CAST: variants seen among roughly 807,000 people sequenced by gnomAD.
CAST encodes calpastatin.
In CAST, 76 loss-of-function variants were observed where a neutral mutation model predicts 119.6. That is an observed-to-expected ratio of 0.64 (90% CI 0.53 to 0.77). CAST has a LOEUF of 0.77. Among genes scored for constraint, CAST ranks in the 30% least tolerant of loss-of-function variants. CAST has a pLI of 0.00. For missense variants in CAST, 953 were observed against 946.5 expected (o/e 1.01, Z -0.09); for synonymous variants, 319 against 331.6 (o/e 0.96, Z 0.41).
intron 1 of CAST, among the ~76,000 whole-genome samples, chr5:96,574,872 A>G (rs1020253544): frequency 2.6e-5 from 4 of 152,130 alleles, no homozygotes; most frequent in Admixed American, 2.6e-4. Context: ...TGGGTTCTCT[A>G]TTATGCTTCA....
the CAST span, among the ~76,000 whole-genome samples, chr5:96,379,923 G>T: frequency 4.6e-5 from 7 of 152,158 alleles, no homozygotes; most frequent in East Asian, 3.9e-4. Context: ...GGATAGAGGG[G>T]GTATACAGCA....
chr5:96,529,295 A>G (rs553688591), upstream of CAST, among the ~76,000 whole-genome samples: 1 of 152,184 alleles, frequency 6.6e-6, no homozygotes, highest in Non-Finnish European at 1.5e-5. Flanking sequence ...GTCATTCAGG[A>G]AGTGATAAAT....
At chr5:96,226,891 A>T in the CAST span, among the ~76,000 whole-genome samples, 1 of 152,210 alleles carries the variant, frequency 6.6e-6, no homozygotes, top group Non-Finnish European at 1.5e-5. Context: ...CCCATAGAAT[A>T]TCTTGGTAAA....
the CAST span, among the ~76,000 whole-genome samples, chr5:96,477,065 A>AAAAC: frequency 2.2e-5 from 3 of 136,618 alleles, no homozygotes; most frequent in Admixed American, 2.2e-4. Flanking sequence ...AATGTGCCAA[A>AAAAC]ACACACACAC....
At chr5:96,042,680 T>G in the CAST span, among the ~76,000 whole-genome samples, 2,347 of 152,298 alleles carry the variant, frequency 0.015, 75 homozygotes, top group African/African-American at 0.052. Context: ...TATGACAAAG[T>G]GGCTAAGAGT....
chr5:95,964,101 T>C, the CAST span, among the ~76,000 whole-genome samples: 11 of 152,206 alleles, frequency 7.2e-5, no homozygotes, highest in African/African-American at 2.7e-4. Flanking sequence ...AGTGAGTTAA[T>C]GGTTGTTTGT....
intron 1 of CAST, among the ~76,000 whole-genome samples, chr5:96,553,221 G>A (rs1746170532): frequency 6.6e-6 from 1 of 152,174 alleles, no homozygotes; most frequent in Admixed American, 6.5e-5. Flanking sequence ...CCATAATCAA[G>A]TGGGCTTCAT....
chr5:96,444,804 T>G, the CAST span, among the ~76,000 whole-genome samples: 13 of 152,318 alleles, frequency 8.5e-5, no homozygotes, highest in African/African-American at 2.9e-4. Flanking sequence ...ACCACTATGG[T>G]GTTTTTTCCC....
At chr5:96,016,145 C>G in the CAST span, among the ~76,000 whole-genome samples, 1 of 152,216 alleles carries the variant, frequency 6.6e-6, no homozygotes, top group African/African-American at 2.4e-5. Context: ...ATCAGCCTGC[C>G]CTTCATGATG....
chr5:96,425,763 A>G, the CAST span: 1 of 936,076 alleles, frequency 1.1e-6, no homozygotes, highest in Non-Finnish European at 1.8e-6. Flanking sequence ...CAAATGTAAC[A>G]ACATAAAGAA....
chr5:96,200,199 C>A, the CAST span, among the ~76,000 whole-genome samples: 2 of 152,156 alleles, frequency 1.3e-5, no homozygotes, highest in Non-Finnish European at 2.9e-5. Flanking sequence ...TCACTCCCAT[C>A]TTCCACCTTC....
chr5:96,115,293 C>T, the CAST span, among the ~76,000 whole-genome samples: 2 of 152,238 alleles, frequency 1.3e-5, no homozygotes, highest in African/African-American at 4.8e-5. Context: ...TTCTGCTGAA[C>T]TGTGAGCTCA....
chr5:96,251,312 CA>C, the CAST span, among the ~76,000 whole-genome samples: 1 of 152,038 alleles, frequency 6.6e-6, no homozygotes, highest in East Asian at 1.9e-4. Flanking sequence ...GGTGTAAGTC[CA>C]TGTATAAAGT....
intron 28 of CAST, 41 bp downstream of exon 28, chr5:96,767,523 A>G: frequency 1.3e-6 from 2 of 1,520,558 alleles, no homozygotes; most frequent in Non-Finnish European, 1.8e-6. Context: ...ATTTTGTTTT[A>G]TTCTAGCCAT....
At chr5:96,471,273 C>T in the CAST span, among the ~76,000 whole-genome samples, 2 of 152,084 alleles carry the variant, frequency 1.3e-5, no homozygotes, top group East Asian at 1.9e-4. Context: ...GAAGCCATAC[C>T]TTACCATAAA....
intron 9 of CAST, among the ~76,000 whole-genome samples, chr5:96,731,477 T>G (rs900757330): frequency 6.6e-6 from 1 of 150,484 alleles, no homozygotes; most frequent in African/African-American, 2.4e-5. Flanking sequence ...TTTAAGGTTT[T>G]TTTTTTTTTT....
chr5:96,495,933 A>C, the CAST span, among the ~76,000 whole-genome samples: 3 of 152,166 alleles, frequency 2.0e-5, no homozygotes, highest in African/African-American at 7.2e-5. Context: ...AATGTCCTTT[A>C]ATTTTTTTAT....
At chr5:96,404,306 C>T in the CAST span, among the ~76,000 whole-genome samples, 1 of 152,120 alleles carries the variant, frequency 6.6e-6, no homozygotes, top group South Asian at 2.1e-4. Context: ...AAAAGGAATT[C>T]CTAGGTTGAA....
At chr5:96,105,163 C>T in the CAST span, among the ~76,000 whole-genome samples, 1 of 149,250 alleles carries the variant, frequency 6.7e-6, no homozygotes, top group Non-Finnish European at 1.5e-5. Context: ...TCTAGATATA[C>T]AATCATGTCG....
Sources: gnomAD v4.1 joint callset for allele counts (sites outside exome capture counted in the v4.1 genomes callset) on GRCh38, gnomAD v4.1.1 for gene constraint, MANE v1.5 for transcripts, NCBI Gene and HGNC (gene_info 2026-07-23, HGNC 2026-07-21) for gene names.